The following FLCN variants were observed in gnomAD, a reference collection of about 807,000 sequenced individuals.
The protein encoded by FLCN is folliculin.
FLCN carries 22 observed loss-of-function variants against 62.5 expected under a neutral mutation model. The ratio of observed to expected loss-of-function variants is 0.35; its 90% CI spans 0.25 to 0.50. The LOEUF (loss-of-function observed/expected upper bound fraction) is 0.50. FLCN is among the 20% of genes least tolerant of loss of function. The probability of loss-of-function intolerance (pLI) is 0.97; values close to 1 mark genes in which losing one functional copy is unlikely to be tolerated. For synonymous variants in FLCN, 319 were observed against 310.0 expected (o/e 1.03, Z -0.30); for missense variants, 657 against 778.0 (o/e 0.84, Z 1.85).
At chr17:17,228,734 C>G (rs2047335042) in intron 3 of FLCN, 2 of 168,356 alleles carry the variant, frequency 1.2e-5, no homozygotes, top group Admixed American at 5.5e-5. Flanking sequence ...CGGGGCCAAG[C>G]AAGAGTTGAA....
chr17:17,213,485 G>A lies in FLCN; in HGVS notation c.*170C>T. 2.5e-6 allele frequency: 2 copies of A among 813,742 alleles called. No individual in the cohort carries two copies. Among genetic ancestry groups the A allele is most frequent in the Admixed American group, 4.2e-5 (2 of 47,854 alleles). 50.4% of individuals were successfully genotyped at this position (813,742 alleles called of 1,614,324 possible). A position where few individuals can be genotyped will look rare whatever the true frequency, so the allele number is the denominator to read the frequency against. ...AACGGCTGGAGGGAGAGTCTGGGAA[G>A]CACACAGGCCCCAAACCTGACAGGG... On this transcript the variant is annotated 3_prime_UTR_variant, in exon 14 of 14. Transcript: ENST00000285071.
At position 17,217,061 on chromosome 17, in the gene FLCN, G is replaced by A. The variant is rs1033129279; in HGVS notation, c.1176+8C>T. 11 of 1,593,802 alleles carry A rather than the reference G, an allele frequency of 6.9e-6. No homozygotes were observed. The highest frequency in any genetic ancestry group is 9.5e-6 in the Non-Finnish European group (11 of 1,161,734). On this transcript the variant is annotated splice_region_variant and intron_variant, in intron 10 of 13. Coordinates refer to ENST00000285071, the MANE Select transcript of FLCN (RefSeq NM_144997.7). ...TGCGCCGCACACCTAAGGAAAAGAT[G>A]TTCTCACCCGAAGTACTTCAAAAGC... is the stretch of plus-strand genomic sequence containing the variant.
intron 1 of FLCN, among the ~76,000 whole-genome samples, chr17:17,234,488 T>C (rs975227516): frequency 4.6e-5 from 7 of 150,722 alleles, no homozygotes; most frequent in Non-Finnish European, 7.4e-5. Flanking sequence ...GTGCTGGGAT[T>C]ACAGGCATAA....
chr17:17,228,238 A>G, intron 3 of FLCN, 77 bp from the exon 4 acceptor site: 1 of 1,501,702 alleles, frequency 6.7e-7, no homozygotes, highest in South Asian at 1.3e-5. Context: ...TCTGGAGCAC[A>G]GGGAGCACCT....
chr17:17,235,235 G>A (rs1039293499), intron 1 of FLCN, among the ~76,000 whole-genome samples: 8 of 151,980 alleles, frequency 5.3e-5, no homozygotes, highest in Non-Finnish European at 7.4e-5. Flanking sequence ...AGCTGAGATC[G>A]CACCATTGCA....
intron 4 of FLCN, among the ~76,000 whole-genome samples, chr17:17,227,449 C>A (rs2047285583): frequency 6.6e-6 from 1 of 152,154 alleles, no homozygotes. Flanking sequence ...TGTGGTGGCT[C>A]ACGCCTGTAA....
intron 7 of FLCN, 72 bp downstream of exon 7, chr17:17,222,429 A>G: frequency 6.2e-7 from 1 of 1,605,702 alleles, no homozygotes; most frequent in African/African-American, 1.3e-5. Context: ...TCCCAAATCC[A>G]TGGACAAGCC....
At chr17:17,215,673 G>A (rs2046897104) in intron 11 of FLCN, among the ~76,000 whole-genome samples, 1 of 152,202 alleles carries the variant, frequency 6.6e-6, no homozygotes, top group African/African-American at 2.4e-5. Context: ...GCTCGTAGTG[G>A]TAAGAATTTG....
At position 17,222,482 on chromosome 17, in the gene FLCN, A is replaced by G; in HGVS notation, c.779+19T>C. Reference sequence around the variant, plus strand: ...TGCTCTATCCTAACAGATATGCCAAAAGCAGAGACGCCCGTTACCAGGCAA... The same window carrying G: ...TGCTCTATCCTAACAGATATGCCAAGAGCAGAGACGCCCGTTACCAGGCAA... On this transcript the variant is annotated intron_variant, in intron 7 of 13. Coordinates refer to ENST00000285071, the MANE Select transcript of FLCN (RefSeq NM_144997.7). 1 of 1,614,114 alleles carries G rather than the reference A, an allele frequency of 6.2e-7. No homozygotes were observed. Among genetic ancestry groups the G allele is most frequent in the Non-Finnish European group, 8.5e-7 (1 of 1,180,006 alleles).
intron 2 of FLCN, 94 bp downstream of exon 2, chr17:17,232,693 CA>C (rs758005645): frequency 1.3e-5 from 2 of 152,480 alleles, no homozygotes; most frequent in African/African-American, 4.8e-5. Flanking sequence ...TGAGAGGCAT[CA>C]GGGGAAGAGA....
chr17:17,217,354 G>T (rs4985705), intron 9 of FLCN, 172 bp from the exon 10 acceptor site: 20 of 657,130 alleles, frequency 3.0e-5, no homozygotes, highest in Non-Finnish European at 4.7e-5. Context: ...TAAAGGGGCA[G>T]AGAGAGAAGT....
chr17:17,212,453 A>C lies in FLCN; in HGVS notation c.*1202T>G, dbSNP rs1177790647. 6.2e-6 allele frequency: 1 copy of C among 160,546 alleles called. No individual in the cohort carries two copies. The highest frequency in any genetic ancestry group is 1.3e-5 in the Non-Finnish European group (1 of 75,074). 9.9% of individuals were successfully genotyped at this position (160,546 alleles called of 1,614,324 possible). A position where few individuals can be genotyped will look rare whatever the true frequency, so the allele number is the denominator to read the frequency against. On this transcript the variant is annotated 3_prime_UTR_variant, in exon 14 of 14. Transcript: ENST00000285071. ...CAGGAGTTCAAGACCAGCCTGGACG[A>C]CATAGCAAGATGCCATCTCTTTAAA... is the stretch of plus-strand genomic sequence containing the variant.
rs991236394 is a variant in FLCN at position 17,212,955 on chromosome 17, T to C, written c.*700A>G. Reference sequence around the variant, plus strand: ...CCAGGGGATTGGGCAAGTCAGATGCTTGCCGACCCCTCAGCAACCTGTCTT... The same window carrying C: ...CCAGGGGATTGGGCAAGTCAGATGCCTGCCGACCCCTCAGCAACCTGTCTT... On this transcript the variant is annotated 3_prime_UTR_variant, in exon 14 of 14. Coordinates refer to ENST00000285071, the MANE Select transcript of FLCN (RefSeq NM_144997.7). 8.4e-6 allele frequency: 2 copies of C among 236,850 alleles called. No individual in the cohort carries two copies. Among genetic ancestry groups the C allele is most frequent in the Admixed American group, 1.1e-4 (2 of 18,974 alleles). The allele number at this position is 236,850 out of a possible 1,614,324, so 14.7% of individuals were successfully genotyped here.
At chr17:17,236,717 T>C (rs1464888669) in intron 1 of FLCN, among the ~76,000 whole-genome samples, 195 bp downstream of exon 1, 1 of 152,116 alleles carries the variant, frequency 6.6e-6, no homozygotes, top group East Asian at 1.9e-4. Flanking sequence ...TCCCGTTTCA[T>C]GGCAACATCA....
intron 8 of FLCN, 116 bp from the exon 9 acceptor site, chr17:17,219,325 C>T: frequency 9.9e-7 from 1 of 1,010,290 alleles, no homozygotes; most frequent in East Asian, 2.4e-5. Context: ...GCGGCCAGGT[C>T]CTATGCTCCC....
At chr17:17,230,924 C>T (rs568712749) in intron 3 of FLCN, among the ~76,000 whole-genome samples, 3 of 151,870 alleles carry the variant, frequency 2.0e-5, no homozygotes, top group East Asian at 3.9e-4. Flanking sequence ...AGGCTGAGTG[C>T]GGTTGTTCAT....
At position 17,213,626 on chromosome 17, in the gene FLCN, CCT is replaced by C; in HGVS notation, c.*27_*28del. ...CTGGAGGATCCTGTGGACAGCCATCCCTGTCTTTAGGCAGGTGTGTGTGACGG... is the reference window on the plus strand; with the variant it reads ...CTGGAGGATCCTGTGGACAGCCATCCGTCTTTAGGCAGGTGTGTGTGACGG... On this transcript the variant is annotated 3_prime_UTR_variant, in exon 14 of 14. Coordinates refer to ENST00000285071, the MANE Select transcript of FLCN (RefSeq NM_144997.7). 1 of 1,614,038 alleles carries C rather than the reference CCT, an allele frequency of 6.2e-7. No homozygotes were observed. Among genetic ancestry groups the C allele is most frequent in the Non-Finnish European group, 8.5e-7 (1 of 1,179,958 alleles).
At position 17,223,947 on chromosome 17, in the gene FLCN, T is replaced by A; in HGVS notation, c.593A>T (p.Asp198Val). 1 of 1,613,372 alleles carries A rather than the reference T, an allele frequency of 6.2e-7. No individual in the cohort carries two copies. Among genetic ancestry groups the A allele is most frequent in the Non-Finnish European group, 8.5e-7 (1 of 1,180,024 alleles). The change falls in exon 6 of 14, where the codon GAT (aspartate) becomes GTT (valine). Residue 198 changes from aspartate (D) to valine (V), a missense_variant. Coordinates refer to ENST00000285071, the MANE Select transcript of FLCN (RefSeq NM_144997.7). ...CTTGAGCGCCTTGCCCTGGAGCTCA[T>A]CGATGATTCCCCGGACCTTCCCCAG... ...FLLGKVRGIIDELQGKALKVF... is the reference protein window; with the variant it reads ...FLLGKVRGIIVELQGKALKVF...
At position 17,213,626 on chromosome 17, in the gene FLCN, C is replaced by T. The variant is rs1189817112; in HGVS notation, c.*29G>A. 1.2e-6 allele frequency: 2 copies of T among 1,613,920 alleles called. No homozygotes were observed. The highest frequency in any genetic ancestry group is 2.2e-5 in the South Asian group (2 of 91,070). ...CTGGAGGATCCTGTGGACAGCCATC[C>T]CTGTCTTTAGGCAGGTGTGTGTGAC... is the stretch of plus-strand genomic sequence containing the variant. On this transcript the variant is annotated 3_prime_UTR_variant, in exon 14 of 14. Coordinates refer to ENST00000285071, the MANE Select transcript of FLCN (RefSeq NM_144997.7).
Sources: allele counts gnomAD v4.1 joint callset (sites outside exome capture counted in the v4.1 genomes callset), GRCh38; gene constraint gnomAD v4.1.1; transcripts MANE v1.5; gene names NCBI Gene and HGNC (gene_info 2026-07-23, HGNC 2026-07-21).